Variants in USP25 observed in about 807,000 individuals in gnomAD.
USP25 encodes ubiquitin specific peptidase 25, also known as ubiquitin carboxyl-terminal hydrolase 25.
In USP25, 85 loss-of-function variants were observed where a neutral mutation model predicts 158.5. The observed-to-expected ratio is 0.54, with a 90% confidence interval of 0.45 to 0.64. USP25 has a LOEUF of 0.64. Among genes scored for constraint, USP25 ranks in the 30% least tolerant of loss-of-function variants. The probability of loss-of-function intolerance (pLI) is 0.00; values close to 1 mark genes in which losing one functional copy is unlikely to be tolerated. For missense variants in USP25, 1,242 were observed against 1,327.3 expected, an observed-to-expected ratio of 0.94 and a Z score of 1.00; for synonymous variants, 464 against 460.4, an observed-to-expected ratio of 1.01 and a Z score of -0.10.
intron 19 of USP25, 131 bp from the exon 20 acceptor site, chr21:15,849,646 G>C (rs1286581159): frequency 1.5e-6 from 1 of 660,530 alleles, no homozygotes; most frequent in African/African-American, 1.8e-5. Context: ...CATGCATATT[G>C]GATTAAATTT....
chr21:15,779,980 A>C (rs2034873774), intron 4 of USP25, among the ~76,000 whole-genome samples: 1 of 152,132 alleles, frequency 6.6e-6, no homozygotes, highest in African/African-American at 2.4e-5. Context: ...GGATGTGGAG[A>C]GTTCTAGCTA....
At chr21:15,792,065 A>G (rs1648800181) in intron 5 of USP25, among the ~76,000 whole-genome samples, 1 of 151,788 alleles carries the variant, frequency 6.6e-6, no homozygotes, top group Non-Finnish European at 1.5e-5. Flanking sequence ...TGTTATTTAT[A>G]GAATTATAGA....
At position 15,864,423 on chromosome 21, in the gene USP25, T is replaced by C. The variant is rs758511354; in HGVS notation, c.2703T>C (p.Asp901=). The change falls in exon 21 of 26, where the codon GAT becomes GAC. Residue 901 remains aspartate, a synonymous_variant. Coordinates refer to ENST00000400183, the MANE Select transcript of USP25 (RefSeq NM_001283041.3). ...IEKTLLEQFG[D]RNLSFDERCH... ...AAACATTACTAGAACAATTTGGAGA[T>C]AGAAATTTGAGTTTTGATGAAAGGT... is the stretch of plus-strand genomic sequence containing the variant. 1.2e-6 allele frequency: 2 copies of C among 1,602,568 alleles called. No homozygotes were observed. The highest frequency in any genetic ancestry group is 2.3e-5 in the South Asian group (2 of 87,662).
chr21:15,845,439 G>A (rs192314035), intron 18 of USP25, among the ~76,000 whole-genome samples: 2 of 152,042 alleles, frequency 1.3e-5, no homozygotes, highest in East Asian at 3.9e-4. Context: ...TGGTACTTTG[G>A]GATATCTAAA....
intron 10 of USP25, among the ~76,000 whole-genome samples, chr21:15,819,372 C>G (rs557785579): frequency 7.9e-5 from 12 of 152,116 alleles, no homozygotes; most frequent in African/African-American, 2.9e-4. Context: ...TTCTTTCTTT[C>G]CAGCCATCTC....
At chr21:15,754,071 A>C (rs2033214340) in intron 1 of USP25, among the ~76,000 whole-genome samples, 1 of 152,196 alleles carries the variant, frequency 6.6e-6, no homozygotes, top group Non-Finnish European at 1.5e-5. Flanking sequence ...TTTCCTTTAA[A>C]AATGGATTTT....
chr21:15,815,256 A>G (rs1246608448), intron 9 of USP25, among the ~76,000 whole-genome samples: 3 of 152,228 alleles, frequency 2.0e-5, no homozygotes, highest in Admixed American at 2.0e-4. Context: ...TCCAGGCAGA[A>G]GTTTGCTACA....
At chr21:15,743,171 G>A (rs1461709192) in intron 1 of USP25, among the ~76,000 whole-genome samples, 3 of 152,162 alleles carry the variant, frequency 2.0e-5, no homozygotes, top group Non-Finnish European at 4.4e-5. Flanking sequence ...GTTCTAGTTC[G>A]AGGGGTCCTG....
intron 17 of USP25, among the ~76,000 whole-genome samples, chr21:15,834,762 G>A (rs1195674886): frequency 6.6e-6 from 1 of 152,182 alleles, no homozygotes; most frequent in African/African-American, 2.4e-5. Context: ...TGGTATCACA[G>A]CAACATTTGG....
At chr21:15,809,416 T>C (rs573230564) in intron 8 of USP25, among the ~76,000 whole-genome samples, 37 of 151,668 alleles carry the variant, frequency 2.4e-4, no homozygotes, top group Non-Finnish European at 4.4e-4. Flanking sequence ...TCAAAGTGAG[T>C]AGGAATATCT....
chr21:15,870,599 A>G (rs1227714186), intron 23 of USP25, among the ~76,000 whole-genome samples: 1 of 152,152 alleles, frequency 6.6e-6, no homozygotes. Context: ...TAATTATACT[A>G]TTATTTTAAT....
At chr21:15,857,141 C>G (rs1026039618) in intron 20 of USP25, among the ~76,000 whole-genome samples, 3 of 152,154 alleles carry the variant, frequency 2.0e-5, no homozygotes, top group Non-Finnish European at 4.4e-5. Flanking sequence ...TTATCAGAAC[C>G]AGTTTATTCA....
At chr21:15,842,620 G>A in intron 18 of USP25, 80 bp downstream of exon 18, 1 of 1,545,668 alleles carries the variant, frequency 6.5e-7, no homozygotes, top group Non-Finnish European at 8.7e-7. Flanking sequence ...GGACCTGTCA[G>A]GGAGTCAGGA....
In USP25 at chr21:15,826,352, C is replaced by G. The variant is rs1205030246; in HGVS notation, c.1453C>G (p.Gln485Glu). ...CCCACCTAGTGGTTCCATACCATCA[C>G]AGACATTACCAAGGTAAAAAGTAAT... ...SSPPSGSIPS[Q>E]TLPSTTEQQG... Residue 485 changes from glutamine to glutamate, a missense_variant, in exon 13 of 26, where the codon CAG becomes GAG. Coordinates refer to ENST00000400183, the MANE Select transcript of USP25 (RefSeq NM_001283041.3). The surrounding 1 kb of genome is among the most constrained non-coding windows in gnomAD (Gnocchi z 4.8). The G allele has an allele frequency of 1.2e-6, 2 of 1,613,908 alleles. No individual in the cohort carries two copies. The highest frequency in any genetic ancestry group is 3.3e-5 in the Admixed American group (2 of 59,994).
At chr21:15,778,238 T>A (rs776929863) in intron 4 of USP25, among the ~76,000 whole-genome samples, 7 of 152,144 alleles carry the variant, frequency 4.6e-5, no homozygotes, top group Non-Finnish European at 8.8e-5. Flanking sequence ...TGGGATGGTG[T>A]TATGAGGGAT....
At chr21:15,777,174 G>A (rs960234452) in intron 3 of USP25, among the ~76,000 whole-genome samples, 1 of 152,140 alleles carries the variant, frequency 6.6e-6, no homozygotes, top group East Asian at 1.9e-4. Flanking sequence ...ATAGCATCAA[G>A]GCTATTTTTT....
intron 1 of USP25, among the ~76,000 whole-genome samples, chr21:15,747,498 A>C (rs1468438186): frequency 6.6e-6 from 1 of 152,008 alleles, no homozygotes; most frequent in Non-Finnish European, 1.5e-5. Context: ...TTTTTCCTAT[A>C]TATAGTATCT....
intron 1 of USP25, among the ~76,000 whole-genome samples, chr21:15,756,202 C>T (rs546980827): frequency 2.0e-4 from 30 of 152,104 alleles, no homozygotes; most frequent in Non-Finnish European, 4.0e-4. Context: ...ATATAGATTC[C>T]AGGGAATTAT....
chr21:15,878,613 A>C lies in USP25; in HGVS notation c.*138A>C. 1 of 924,024 alleles carries C rather than the reference A, an allele frequency of 1.1e-6. No homozygotes were observed. Among genetic ancestry groups the C allele is most frequent in the Non-Finnish European group, 1.5e-6 (1 of 661,396 alleles). The allele number at this position is 924,024 out of a possible 1,614,324, so 57.2% of individuals were successfully genotyped here. The stretch of plus-strand genomic sequence containing the variant: ...AATAACTGCAAAAGACAAAATGACT[A>C]TACAGACTTTAGTCAGACTGCAGAC... On this transcript the variant is annotated 3_prime_UTR_variant, in exon 26 of 26. Transcript: ENST00000400183.
Sources: gnomAD v4.1 joint callset for allele counts (sites outside exome capture counted in the v4.1 genomes callset) on GRCh38, gnomAD v4.1.1 for gene constraint, Gnocchi (gnomAD v3.1) non-coding constraint, MANE v1.5 for transcripts, NCBI Gene and HGNC (gene_info 2026-07-23, HGNC 2026-07-21) for gene names.